The following NKIRAS1 variants were observed in gnomAD, a reference collection of about 807,000 sequenced individuals.
NKIRAS1 encodes the protein NF-kappa-B inhibitor-interacting Ras-like protein 1.
NKIRAS1 carries 16 observed loss-of-function variants against 19.8 expected under a neutral mutation model. That is an observed-to-expected ratio of 0.81 (90% CI 0.55 to 1.23). The LOEUF is 1.23. Among genes scored for constraint, NKIRAS1 ranks in the 50% most tolerant of loss-of-function variants. The probability of loss-of-function intolerance (pLI) is 0.00; values close to 1 mark genes in which losing one functional copy is unlikely to be tolerated. For synonymous variants in NKIRAS1, 88 were observed against 79.0 expected (o/e 1.11, Z -0.61); for missense variants, 184 against 220.0 (o/e 0.84, Z 1.04).
At chr3:23,898,420 C>T (rs1215999186) in intron 4 of NKIRAS1, among the ~76,000 whole-genome samples, 3 of 151,672 alleles carry the variant, frequency 2.0e-5, no homozygotes, top group Non-Finnish European at 4.4e-5. Context: ...AAAGCCAATC[C>T]CAAAAGATTA....
intron 1 of NKIRAS1, among the ~76,000 whole-genome samples, chr3:23,941,357 G>A (rs1464747873): frequency 1.3e-5 from 2 of 152,118 alleles, no homozygotes; most frequent in East Asian, 1.9e-4. Flanking sequence ...ATATCTAGAT[G>A]GACCTATCTT....
chr3:23,908,651 A>T (rs1050421703), intron 3 of NKIRAS1, among the ~76,000 whole-genome samples: 1 of 152,114 alleles, frequency 6.6e-6, no homozygotes, highest in Non-Finnish European at 1.5e-5. Context: ...TAGAAAAAAT[A>T]AGTAGTTTAC....
chr3:23,932,812 C>A (rs1434819319), intron 1 of NKIRAS1, among the ~76,000 whole-genome samples: 1 of 152,048 alleles, frequency 6.6e-6, no homozygotes, highest in Non-Finnish European at 1.5e-5. Flanking sequence ...ACTTCTTCCT[C>A]TTCCTCCAAA....
At chr3:23,929,525 C>G (rs1705270058) in intron 1 of NKIRAS1, among the ~76,000 whole-genome samples, 1 of 152,172 alleles carries the variant, frequency 6.6e-6, no homozygotes, top group Non-Finnish European at 1.5e-5. Context: ...GTCTCCGGCT[C>G]AAGCGATCCT....
chr3:23,896,250 G>T (rs9876539), intron 4 of NKIRAS1, among the ~76,000 whole-genome samples: 257 of 151,834 alleles, frequency 1.7e-3, no homozygotes, highest in African/African-American at 5.8e-3. Context: ...CCCGGACAAG[G>T]GTGTCACTCC....
At chr3:23,939,844 G>C (rs552920248) in intron 1 of NKIRAS1, among the ~76,000 whole-genome samples, 4 of 152,202 alleles carry the variant, frequency 2.6e-5, no homozygotes, top group Non-Finnish European at 5.9e-5. Context: ...TCCATTAAAT[G>C]TGAAAGTTTA....
chr3:23,941,217 C>T (rs558493469), intron 1 of NKIRAS1, among the ~76,000 whole-genome samples: 7 of 152,286 alleles, frequency 4.6e-5, no homozygotes, highest in African/African-American at 1.7e-4. Context: ...TAATAGACTT[C>T]ACCTTTCTCT....
At chr3:23,934,846 TTACAGAGA>T in intron 1 of NKIRAS1, among the ~76,000 whole-genome samples, 1 of 99,746 alleles carries the variant, frequency 1.0e-5, no homozygotes, top group Admixed American at 1.0e-4. Context: ...AAAAAAAAAC[TTACAGAGA>T]ATATCAGAAG....
chr3:23,891,108 G>T lies in NKIRAS1; in HGVS notation c.*1987C>A, dbSNP rs1701422132. ...TAAAACACCATATAAGAGATGAGTAGTGCGTTTTATTTTATATGCCAATCT... is the reference window on the plus strand; with the variant it reads ...TAAAACACCATATAAGAGATGAGTATTGCGTTTTATTTTATATGCCAATCT... On this transcript the variant is annotated 3_prime_UTR_variant, in exon 5 of 5. Coordinates refer to ENST00000425478, the MANE Select transcript of NKIRAS1 (RefSeq NM_020345.4). The T allele has an allele frequency of 6.6e-6, 1 of 152,626 alleles. No homozygotes were observed. Among genetic ancestry groups the T allele is most frequent in the African/African-American group, 2.4e-5 (1 of 41,430 alleles). The allele number at this position is 152,626 out of a possible 1,614,324, so 9.5% of individuals were successfully genotyped here.
chr3:23,919,738 A>G, upstream of NKIRAS1: 3 of 1,323,432 alleles, frequency 2.3e-6, no homozygotes, highest in Non-Finnish European at 2.9e-6. Flanking sequence ...ATGTCAGTGT[A>G]TAAAACATAC....
At chr3:23,917,618 C>G (rs970882400), upstream of NKIRAS1, 1 of 464,302 alleles carries the variant, frequency 2.2e-6, no homozygotes, top group African/African-American at 2.0e-5. Context: ...TCTGTTAATT[C>G]GCCCCACCAA....
chr3:23,914,691 G>A (rs530150432), intron 1 of NKIRAS1, among the ~76,000 whole-genome samples: 2 of 152,160 alleles, frequency 1.3e-5, no homozygotes, highest in Non-Finnish European at 2.9e-5. Context: ...CTTGTCCTCA[G>A]GAATCTCAAA....
intron 1 of NKIRAS1, among the ~76,000 whole-genome samples, chr3:23,931,813 C>T (rs1705322588): frequency 6.6e-6 from 1 of 152,176 alleles, no homozygotes; most frequent in South Asian, 2.1e-4. Context: ...TTCTTGCCTT[C>T]AACCACCCAG....
rs1272211422 is a variant in NKIRAS1, at chr3:23,927,293, G to A, written c.-139-15843C>T. ...CCAGCACTTTGGGAGGCCAAGGTGG[G>A]AGGATCCCTTGAGGCCAGGAGTTCG... On this transcript the variant is annotated intron_variant, in intron 1 of 4. Coordinates refer to the NKIRAS1 transcript ENST00000421515. This position sits in a 1 kb window ranked among gnomAD's most constrained non-coding sequence, Gnocchi z 4.0. Among the ~76,000 whole-genome samples, 1 of 152,138 alleles carries A rather than the reference G, an allele frequency of 6.6e-6. No individual in the cohort carries two copies. The highest frequency in any genetic ancestry group is 1.5e-5 in the Non-Finnish European group (1 of 68,024).
chr3:23,901,792 G>A (rs1702545936), intron 3 of NKIRAS1, among the ~76,000 whole-genome samples: 1 of 152,186 alleles, frequency 6.6e-6, no homozygotes, highest in East Asian at 1.9e-4. Flanking sequence ...TAAATATGAG[G>A]CCAGGCACGG....
intron 1 of NKIRAS1, chr3:23,946,225 CACCGG>C (rs1697184190): frequency 1.0e-6 from 1 of 985,496 alleles, no homozygotes; most frequent in East Asian, 1.1e-4. Context: ...CACCGCAGTG[CACCGG>C]ACGCCGCACG....
chr3:23,909,778 T>C (rs1703468011), intron 3 of NKIRAS1, among the ~76,000 whole-genome samples: 1 of 152,148 alleles, frequency 6.6e-6, no homozygotes, highest in Non-Finnish European at 1.5e-5. Flanking sequence ...ATTCACAAAA[T>C]TAAGTCATAC....
intron 3 of NKIRAS1, among the ~76,000 whole-genome samples, chr3:23,906,315 C>T (rs1703058854): frequency 6.6e-6 from 1 of 152,002 alleles, no homozygotes; most frequent in Non-Finnish European, 1.5e-5. Flanking sequence ...AACTGAGAAA[C>T]ATCTGGACTA....
chr3:23,915,022 C>T (rs1704184652), intron 1 of NKIRAS1, among the ~76,000 whole-genome samples: 1 of 152,208 alleles, frequency 6.6e-6, no homozygotes, highest in Non-Finnish European at 1.5e-5. Flanking sequence ...TGTTCTCTCA[C>T]CTGGTCTCTC....
Sources: allele counts gnomAD v4.1 joint callset (sites outside exome capture counted in the v4.1 genomes callset), GRCh38; gene constraint gnomAD v4.1.1; non-coding constraint Gnocchi (gnomAD v3.1); transcripts MANE v1.5; gene names NCBI Gene and HGNC (gene_info 2026-07-23, HGNC 2026-07-21).